CD109: variants seen among roughly 807,000 people sequenced by gnomAD.
CD109 encodes CD109 antigen.
Under a neutral mutation model 165.8 loss-of-function variants are expected in CD109, and 149 were observed. The ratio of observed to expected loss-of-function variants is 0.90; its 90% CI spans 0.79 to 1.03. CD109 has a LOEUF of 1.03. Among genes scored for constraint, CD109 ranks in the 50% least tolerant of loss-of-function variants. The pLI, the probability that CD109 is intolerant of heterozygous loss-of-function variation, is 0.00. For synonymous variants in CD109, 585 were observed against 592.1 expected (o/e 0.99, Z 0.18); for missense variants, 1,712 against 1,677.8 (o/e 1.02, Z -0.36).
At chr6:73,727,217 T>C (rs1443453599) in intron 3 of CD109, among the ~76,000 whole-genome samples, 2 of 152,188 alleles carry the variant, frequency 1.3e-5, no homozygotes, top group African/African-American at 4.8e-5. Flanking sequence ...GCCCCCATTG[T>C]TAACCATGGA....
chr6:73,704,195 A>G (rs887375574), intron 2 of CD109, among the ~76,000 whole-genome samples: 7 of 152,060 alleles, frequency 4.6e-5, no homozygotes, highest in Admixed American at 1.3e-4. Flanking sequence ...AAAAAAAAAA[A>G]AGAGAATCTA....
intron 5 of CD109, among the ~76,000 whole-genome samples, chr6:73,753,861 A>C (rs1016785764): frequency 3.9e-5 from 6 of 152,200 alleles, no homozygotes; most frequent in Non-Finnish European, 8.8e-5. Flanking sequence ...TCTGTTGAGC[A>C]CTGTAGGAAC....
rs148062498 is a variant in CD109, at chr6:73,795,429, T to C, written c.2878+2627T>C. ...ATCAGCAGCCATCCTACAAAATGAA[T>C]GGTCCAAATCCTCAGTATCTGTTGT... On this transcript the variant is annotated intron_variant, in intron 23 of 32. Transcript: ENST00000287097. Among the ~76,000 whole-genome samples the C allele has an allele frequency of 3.9e-5, 6 of 152,234 alleles. No individual in the cohort carries two copies. In the East Asian group the frequency reaches 1.2e-3, roughly 29 times the overall value.
At chr6:73,712,071 A>G (rs1431641067) in intron 2 of CD109, among the ~76,000 whole-genome samples, 1 of 152,188 alleles carries the variant, frequency 6.6e-6, no homozygotes, top group Non-Finnish European at 1.5e-5. Context: ...TTAGCCGGGT[A>G]TGGTGGCGCA....
intron 1 of CD109, among the ~76,000 whole-genome samples, chr6:73,697,176 G>T (rs1770874366): frequency 6.6e-6 from 1 of 152,164 alleles, no homozygotes; most frequent in Non-Finnish European, 1.5e-5. Flanking sequence ...CCTTCCTCTA[G>T]TAGTGATGCA....
intron 32 of CD109, among the ~76,000 whole-genome samples, chr6:73,821,669 A>G (rs1348505074): frequency 6.6e-6 from 1 of 152,208 alleles, no homozygotes. Flanking sequence ...GGAGCTGAAC[A>G]TTGGGTACAC....
chr6:73,747,605 A>G (rs1773028386), intron 5 of CD109, among the ~76,000 whole-genome samples: 1 of 152,194 alleles, frequency 6.6e-6, no homozygotes. Flanking sequence ...TCTGAGTTCT[A>G]GACCTTTAAA....
At chr6:73,806,767 G>T in intron 24 of CD109, 77 bp from the exon 25 acceptor site, 2 of 958,120 alleles carry the variant, frequency 2.1e-6, no homozygotes, top group Admixed American at 2.5e-5. Flanking sequence ...AAAAAGTGTT[G>T]TTGTTTTGCT....
At chr6:73,714,129 T>C (rs183148916) in intron 2 of CD109, among the ~76,000 whole-genome samples, 17 of 152,266 alleles carry the variant, frequency 1.1e-4, no homozygotes, top group African/African-American at 4.1e-4. Flanking sequence ...GCAGTTTGTT[T>C]CTATTTTATT....
chr6:73,708,804 G>A (rs1319012865), intron 2 of CD109, among the ~76,000 whole-genome samples: 2 of 152,240 alleles, frequency 1.3e-5, no homozygotes, highest in African/African-American at 4.8e-5. Flanking sequence ...CTTCTTTTGA[G>A]AAGTGTGTGT....
intron 5 of CD109, among the ~76,000 whole-genome samples, chr6:73,753,255 A>G (rs1049475818): frequency 6.6e-6 from 1 of 152,182 alleles, no homozygotes; most frequent in Non-Finnish European, 1.5e-5. Flanking sequence ...CTTTACAGGA[A>G]AAGTTTGCAG....
chr6:73,754,736 A>T (rs1343414179), intron 5 of CD109, among the ~76,000 whole-genome samples: 1 of 152,226 alleles, frequency 6.6e-6, no homozygotes, highest in East Asian at 1.9e-4. Context: ...GGATATAAAA[A>T]TGATCAAAAA....
chr6:73,744,661 G>T (rs1772911525), intron 5 of CD109, among the ~76,000 whole-genome samples: 1 of 152,164 alleles, frequency 6.6e-6, no homozygotes, highest in African/African-American at 2.4e-5. Flanking sequence ...CAGTCCTTTG[G>T]CAGTGTGCAT....
chr6:73,766,668 T>TTAAA, intron 11 of CD109, 91 bp from the exon 12 acceptor site: 2 of 863,978 alleles, frequency 2.3e-6, no homozygotes, highest in South Asian at 1.6e-5. Flanking sequence ...TGAAGATGAA[T>TTAAA]TTGGTCTTTA....
rs952993657 is a variant in CD109 at position 73,762,577 on chromosome 6, A to G, written c.855+97A>G. The G allele has an allele frequency of 1.1e-5, 11 of 992,020 alleles. No homozygotes were observed. In the African/African-American group the frequency reaches 1.3e-4, roughly 12 times the overall value. The allele number at this position is 992,020 out of a possible 1,614,324, so 61.5% of individuals were successfully genotyped here. Reference sequence around the variant, plus strand: ...ACTGAATTAACAAAAAGTTAAGTGTAAGAAAATCAAGAGCTTTCCAGCATT... The same window carrying G: ...ACTGAATTAACAAAAAGTTAAGTGTGAGAAAATCAAGAGCTTTCCAGCATT... On this transcript the variant is annotated intron_variant, in intron 8 of 32. Transcript: ENST00000287097.
intron 14 of CD109, among the ~76,000 whole-genome samples, chr6:73,768,632 G>T (rs1232399392): frequency 6.6e-6 from 1 of 152,196 alleles, no homozygotes; most frequent in East Asian, 1.9e-4. Flanking sequence ...TAGAAGCAGA[G>T]CTGGGCTTTC....
chr6:73,740,782 G>A lies in CD109; in HGVS notation c.633+4274G>A, dbSNP rs971536724. Among the ~76,000 whole-genome samples, 6 of 151,562 alleles carry A rather than the reference G, an allele frequency of 4.0e-5. No individual in the cohort carries two copies. The East Asian group carries it at 9.7e-4, about 25-fold the overall frequency. ...TAATTTTTGTATTTTTAGTAGAGAC[G>A]GTTTCATCATGTTGGCCAGGGTGGT... On this transcript the variant is annotated intron_variant, in intron 5 of 32. Coordinates refer to ENST00000287097, the MANE Select transcript of CD109 (RefSeq NM_133493.5).
At chr6:73,689,188 T>C in the CD109 span, among the ~76,000 whole-genome samples, 1 of 152,330 alleles carries the variant, frequency 6.6e-6, no homozygotes, top group East Asian at 1.9e-4. Flanking sequence ...CTGGGAAACA[T>C]AGTTTCCCTG....
chr6:73,757,361 G>A lies in CD109; in HGVS notation c.673+679G>A, dbSNP rs902540720. On this transcript the variant is annotated intron_variant, in intron 6 of 32. Coordinates refer to ENST00000287097, the MANE Select transcript of CD109 (RefSeq NM_133493.5). Reference sequence around the variant, plus strand: ...TCTGTTGTTACTACTCAATTTTGCCGTGGTAGCATGAGAGCAGCCAAAGAT... The same window carrying A: ...TCTGTTGTTACTACTCAATTTTGCCATGGTAGCATGAGAGCAGCCAAAGAT... 1.3e-4 allele frequency among the ~76,000 whole-genome samples: 20 copies of A among 152,122 alleles called. No homozygotes were observed. The East Asian group carries it at 1.9e-3, about 15-fold the overall frequency.
Sources: gnomAD v4.1 joint callset for allele counts (sites outside exome capture counted in the v4.1 genomes callset) on GRCh38, gnomAD v4.1.1 for gene constraint, MANE v1.5 for transcripts, NCBI Gene and HGNC (gene_info 2026-07-23, HGNC 2026-07-21) for gene names.